PPFIBP2: variants seen among roughly 807,000 people sequenced by gnomAD.
PPFIBP2 encodes liprin-beta-2.
PPFIBP2 carries 118 observed loss-of-function variants against 118.3 expected under a neutral mutation model. The observed-to-expected ratio is 1.00, with a 90% CI of 0.86 to 1.16. PPFIBP2 has a LOEUF of 1.16. Ranked by LOEUF, PPFIBP2 falls within the 50% of genes most tolerant of loss-of-function variation. PPFIBP2 has a pLI of 0.00. For missense variants in PPFIBP2, 1,195 were observed against 1,073.1 expected (o/e 1.11, Z -1.59); for synonymous variants, 414 against 397.4 (o/e 1.04, Z -0.50).
intron 3 of PPFIBP2, chr11:7,577,611 T>G (rs1370451683): frequency 2.8e-5 from 13 of 456,372 alleles, no homozygotes; most frequent in African/African-American, 6.0e-5. Flanking sequence ...ACATTGATGT[T>G]TACAAGCATT....
intron 4 of PPFIBP2, 72 bp from the exon 5 acceptor site, chr11:7,597,488 C>T (rs936545596): frequency 6.5e-7 from 1 of 1,541,538 alleles, no homozygotes. Context: ...AACGGCTCCC[C>T]TGAGGTGGGG....
rs762939991 is a variant in PPFIBP2 at position 7,565,518 on chromosome 11, C to T, written c.65-35C>T. On this transcript the variant is annotated intron_variant, in intron 2 of 23. Transcript: ENST00000299492. ...TAGTACCTTGCTCAGGGTGTCCACC[C>T]TTCTTACTGAGTTTTCACCTCTCTC... The T allele has an allele frequency of 1.8e-5, 29 of 1,609,244 alleles. 1 individual carries two copies. In the South Asian group the frequency reaches 3.2e-4, roughly 18 times the overall value.
chr11:7,665,989 G>A, the PPFIBP2 span: 1 of 1,342,600 alleles, frequency 7.4e-7, no homozygotes, highest in Non-Finnish European at 1.0e-6. Context: ...GCGCGCCTGT[G>A]GGGTGCTCTG....
intron 5 of PPFIBP2, among the ~76,000 whole-genome samples, chr11:7,605,033 C>T (rs576012480): frequency 7.2e-5 from 11 of 152,320 alleles, no homozygotes; most frequent in Non-Finnish European, 1.5e-4. Context: ...GAAGGTCAGT[C>T]AGGGGCAATT....
At chr11:7,651,942 C>T in intron 23 of PPFIBP2, 98 bp downstream of exon 23, 1 of 1,176,890 alleles carries the variant, frequency 8.5e-7, no homozygotes, top group East Asian at 2.4e-5. Flanking sequence ...GCAGCATGCG[C>T]AGCCTGGACA....
intron 1 of PPFIBP2, chr11:7,548,518 G>A (rs917811637): frequency 2.6e-5 from 4 of 152,212 alleles, no homozygotes; most frequent in Admixed American, 2.6e-4. Context: ...ATTCTCTTGG[G>A]ATTACAAGTG....
At chr11:7,652,165 T>C (rs1367485038) in intron 23 of PPFIBP2, among the ~76,000 whole-genome samples, 1 of 152,256 alleles carries the variant, frequency 6.6e-6, no homozygotes, top group East Asian at 1.9e-4. Context: ...GCGCTCCGAG[T>C]CTGGCTTTCC....
chr11:7,641,601 A>AT lies in PPFIBP2; in HGVS notation c.1500dup (p.Lys501Ter), dbSNP rs1369491911. ...AGATGGTAAACGGAATCCCAAAGGC[A>AT]TTAAGAAGTTCTGGGGAAAGTAAGT... On this transcript the variant is annotated frameshift_variant, in exon 16 of 24. Transcript: ENST00000299492. LOFTEE classifies it high-confidence loss of function. 1 of 1,613,946 alleles carries AT rather than the reference A, an allele frequency of 6.2e-7. No homozygotes were observed. The highest frequency in any genetic ancestry group is 2.2e-5 in the East Asian group (1 of 44,900).
chr11:7,577,918 C>T (rs932463014), intron 3 of PPFIBP2, among the ~76,000 whole-genome samples: 1 of 152,200 alleles, frequency 6.6e-6, no homozygotes. Flanking sequence ...GGCACCTAAA[C>T]AGTCAGAGGC....
At chr11:7,547,491 T>G (rs1852452273) in intron 1 of PPFIBP2, among the ~76,000 whole-genome samples, 1 of 152,174 alleles carries the variant, frequency 6.6e-6, no homozygotes. Flanking sequence ...ACTTTTAATA[T>G]CCCTTATGCT....
At chr11:7,553,498 G>A (rs563720362) in intron 2 of PPFIBP2, among the ~76,000 whole-genome samples, 147 of 152,294 alleles carry the variant, frequency 9.7e-4, no homozygotes, top group African/African-American at 3.4e-3. Context: ...ACCAAATTGG[G>A]CCAAAGAGGT....
chr11:7,558,603 A>G (rs1246609537), intron 2 of PPFIBP2, among the ~76,000 whole-genome samples: 2 of 152,070 alleles, frequency 1.3e-5, no homozygotes, highest in Non-Finnish European at 2.9e-5. Flanking sequence ...AAAAAATACA[A>G]AAATTAGCCA....
intron 2 of PPFIBP2, among the ~76,000 whole-genome samples, chr11:7,563,041 A>C (rs1178707748): frequency 6.7e-6 from 1 of 150,090 alleles, no homozygotes; most frequent in Non-Finnish European, 1.5e-5. Flanking sequence ...ATACATGTAC[A>C]CACGCATACT....
intron 18 of PPFIBP2, 38 bp from the exon 19 acceptor site, chr11:7,648,762 C>A: frequency 6.3e-7 from 1 of 1,596,656 alleles, no homozygotes; most frequent in Non-Finnish European, 8.6e-7. Flanking sequence ...AAATTGCCTG[C>A]CAAAATTTCA....
At chr11:7,558,947 T>C (rs941535019) in intron 2 of PPFIBP2, among the ~76,000 whole-genome samples, 1 of 152,120 alleles carries the variant, frequency 6.6e-6, no homozygotes, top group African/African-American at 2.4e-5. Context: ...AGTGCCATGG[T>C]TTCAGCTTAA....
downstream of PPFIBP2, among the ~76,000 whole-genome samples, chr11:7,654,774 T>C (rs1854530104): frequency 6.6e-6 from 1 of 152,232 alleles, no homozygotes; most frequent in South Asian, 2.1e-4. Context: ...TTTCAAAACC[T>C]GCATGGAACT....
the PPFIBP2 span, chr11:7,666,166 G>T: frequency 1.7e-6 from 1 of 600,238 alleles, no homozygotes; most frequent in South Asian, 2.0e-5. Flanking sequence ...TGTGGAATGG[G>T]TGGGTGTTCA....
intron 5 of PPFIBP2, among the ~76,000 whole-genome samples, chr11:7,609,000 G>A (rs773398753): frequency 7.9e-4 from 121 of 152,286 alleles, no homozygotes; most frequent in South Asian, 1.5e-3. Flanking sequence ...CCCAGAGCTC[G>A]GGGAGCTCAT....
intron 17 of PPFIBP2, 152 bp from the exon 18 acceptor site, chr11:7,648,235 G>C: frequency 1.3e-6 from 1 of 797,230 alleles, no homozygotes; most frequent in Non-Finnish European, 1.9e-6. Flanking sequence ...GTGGAATTTT[G>C]TTCAGCAGAA....
Sources: gnomAD v4.1 joint callset for allele counts (sites outside exome capture counted in the v4.1 genomes callset) on GRCh38, gnomAD v4.1.1 for gene constraint, MANE v1.5 for transcripts, NCBI Gene and HGNC (gene_info 2026-07-23, HGNC 2026-07-21) for gene names.